The following RANBP2 variants were observed in gnomAD, a reference collection of about 807,000 sequenced individuals.
RANBP2 encodes E3 SUMO-protein ligase RanBP2.
Under a neutral mutation model 303.6 loss-of-function variants are expected in RANBP2, and 57 were observed. That is an observed-to-expected ratio of 0.19 (90% confidence interval 0.15 to 0.23). The LOEUF (loss-of-function observed/expected upper bound fraction) is 0.23. Ranked by LOEUF, RANBP2 falls within the 10% of genes least tolerant of loss-of-function variation. The pLI is 1.00. For missense variants in RANBP2, 3,138 were observed against 3,780.8 expected, an observed-to-expected ratio of 0.83 and a Z score of 4.46; for synonymous variants, 1,167 against 1,301.5, an observed-to-expected ratio of 0.90 and a Z score of 2.23.
the RANBP2 span, among the ~76,000 whole-genome samples, chr2:109,734,174 A>G: frequency 1.8e-3 from 65 of 36,990 alleles, no homozygotes; most frequent in East Asian, 5.6e-3. Context: ...GAAAGACTCC[A>G]CCTCAAAAAA....
chr2:108,864,245 A>G, the RANBP2 span, among the ~76,000 whole-genome samples: 1 of 152,272 alleles, frequency 6.6e-6, no homozygotes, highest in African/African-American at 2.4e-5. Context: ...TAAGAAAGCA[A>G]ATAATTAAAT....
At chr2:109,372,776 G>A in the RANBP2 span, among the ~76,000 whole-genome samples, 1 of 152,100 alleles carries the variant, frequency 6.6e-6, no homozygotes, top group Non-Finnish European at 1.5e-5. Flanking sequence ...CTCAGTGCTG[G>A]GCTCCATGTG....
At chr2:109,233,853 A>T in the RANBP2 span, among the ~76,000 whole-genome samples, 1 of 152,180 alleles carries the variant, frequency 6.6e-6, no homozygotes, top group African/African-American at 2.4e-5. Flanking sequence ...CACATTTGCG[A>T]TTGGTCTGCA....
chr2:109,216,902 G>A, the RANBP2 span, among the ~76,000 whole-genome samples: 25 of 152,084 alleles, frequency 1.6e-4, no homozygotes, highest in Non-Finnish European at 7.4e-5. Flanking sequence ...AACTCTTTTC[G>A]TCTTCCCAAA....
At chr2:109,625,622 C>T in the RANBP2 span, among the ~76,000 whole-genome samples, 835 of 152,070 alleles carry the variant, frequency 5.5e-3, 8 homozygotes, top group African/African-American at 0.019. Flanking sequence ...GCCGAGATCA[C>T]GCCACTGCAC....
At chr2:109,293,893 C>T in the RANBP2 span, among the ~76,000 whole-genome samples, 1 of 152,220 alleles carries the variant, frequency 6.6e-6, no homozygotes, top group Non-Finnish European at 1.5e-5. Flanking sequence ...CAGCCTGAGG[C>T]TTGTTGCCGA....
At chr2:109,347,901 C>G in the RANBP2 span, 3 of 1,611,024 alleles carry the variant, frequency 1.9e-6, no homozygotes, top group Non-Finnish European at 1.7e-6. Flanking sequence ...TTTATGATTT[C>G]GAGATGAAGG....
chr2:109,040,821 C>G, the RANBP2 span, among the ~76,000 whole-genome samples: 1 of 152,004 alleles, frequency 6.6e-6, no homozygotes, highest in African/African-American at 2.4e-5. Flanking sequence ...TTTGGGAGGC[C>G]GAGGCAGGTG....
At chr2:109,279,741 G>A in the RANBP2 span, among the ~76,000 whole-genome samples, 1,515 of 108,332 alleles carry the variant, frequency 0.014, 35 homozygotes, top group African/African-American at 0.046. Flanking sequence ...GTACGCTTGG[G>A]AGCAGTGACG....
At chr2:109,131,746 A>G in the RANBP2 span, among the ~76,000 whole-genome samples, 1 of 152,226 alleles carries the variant, frequency 6.6e-6, no homozygotes, top group African/African-American at 2.4e-5. Flanking sequence ...TAGTATTAGC[A>G]GGAAATTGAT....
chr2:109,527,669 C>T, the RANBP2 span, among the ~76,000 whole-genome samples: 2 of 152,026 alleles, frequency 1.3e-5, no homozygotes, highest in Non-Finnish European at 2.9e-5. Flanking sequence ...GGGGGAGTGG[C>T]AGGGAAGGCA....
the RANBP2 span, among the ~76,000 whole-genome samples, chr2:109,587,427 T>TA: frequency 1.3e-5 from 2 of 151,686 alleles, no homozygotes; most frequent in East Asian, 3.9e-4. Flanking sequence ...GGAGAAAAGT[T>TA]AGAGAAAGAG....
chr2:109,056,537 G>GC, the RANBP2 span, among the ~76,000 whole-genome samples: 2 of 152,158 alleles, frequency 1.3e-5, no homozygotes, highest in African/African-American at 4.8e-5. Context: ...CTGATTGACA[G>GC]CATTTGTTGA....
At chr2:109,116,607 A>G in the RANBP2 span, among the ~76,000 whole-genome samples, 7 of 152,106 alleles carry the variant, frequency 4.6e-5, no homozygotes, top group African/African-American at 1.7e-4. Context: ...TAGTTTGATC[A>G]TCTGAAGCCT....
chr2:109,335,365 T>G, the RANBP2 span, among the ~76,000 whole-genome samples: 2 of 152,228 alleles, frequency 1.3e-5, no homozygotes, highest in Non-Finnish European at 2.9e-5. Flanking sequence ...TATTTCCTTC[T>G]GAGTCTCTGC....
chr2:109,244,207 T>C, the RANBP2 span, among the ~76,000 whole-genome samples: 5,875 of 152,264 alleles, frequency 0.039, 376 homozygotes, highest in African/African-American at 0.13. Flanking sequence ...TGGATTCTAA[T>C]CCGAGCTGGA....
At chr2:109,573,812 TC>T in the RANBP2 span, among the ~76,000 whole-genome samples, 1 of 152,214 alleles carries the variant, frequency 6.6e-6, no homozygotes, top group Non-Finnish European at 1.5e-5. Context: ...TTTCTATAGC[TC>T]CCTAAATTTA....
chr2:108,725,159 C>T (rs1573683027), intron 1 of RANBP2, among the ~76,000 whole-genome samples: 3 of 152,042 alleles, frequency 2.0e-5, no homozygotes, highest in Middle Eastern at 3.2e-3. Flanking sequence ...CAGGTATTTG[C>T]TTATAGTGAC....
intron 18 of RANBP2, 83 bp from the exon 19 acceptor site, chr2:108,762,018 G>A: frequency 6.4e-7 from 1 of 1,556,026 alleles, no homozygotes; most frequent in East Asian, 2.3e-5. Context: ...TATTGCCTTT[G>A]TATTTATAGC....
Sources: gnomAD v4.1 joint callset for allele counts (sites outside exome capture counted in the v4.1 genomes callset) on GRCh38, gnomAD v4.1.1 for gene constraint, MANE v1.5 for transcripts, NCBI Gene and HGNC (gene_info 2026-07-23, HGNC 2026-07-21) for gene names.